Variants in NEDD4 observed in about 807,000 individuals in gnomAD.
NEDD4 encodes NEDD4 E3 ubiquitin protein ligase, also known as E3 ubiquitin-protein ligase NEDD4.
NEDD4 carries 99 observed loss-of-function variants against 144.9 expected under a neutral mutation model. The ratio of observed to expected loss-of-function variants is 0.68; its 90% CI spans 0.58 to 0.81. The LOEUF (loss-of-function observed/expected upper bound fraction) is 0.81. Among genes scored for constraint, NEDD4 ranks in the 30% least tolerant of loss-of-function variants. The pLI, the probability that NEDD4 is intolerant of heterozygous loss-of-function variation, is 0.00. For synonymous variants in NEDD4, 318 were observed against 350.6 expected (o/e 0.91, Z 1.04); for missense variants, 985 against 1,065.9 (o/e 0.92, Z 1.06).
intron 5 of NEDD4, among the ~76,000 whole-genome samples, chr15:55,894,443 G>A (rs1259198980): frequency 6.6e-6 from 1 of 152,052 alleles, no homozygotes; most frequent in African/African-American, 2.4e-5. Context: ...TGGGGTCCTG[G>A]AACCATTCCC....
At chr15:55,849,791 A>C (rs1307122276) in intron 14 of NEDD4, among the ~76,000 whole-genome samples, 1 of 145,362 alleles carries the variant, frequency 6.9e-6, no homozygotes, top group Non-Finnish European at 1.5e-5. Context: ...ATTTTAAGTA[A>C]TTTTTTTTTT....
intron 11 of NEDD4, among the ~76,000 whole-genome samples, chr15:55,858,051 T>C (rs77351400): frequency 1.3e-5 from 2 of 152,332 alleles, no homozygotes; most frequent in Non-Finnish European, 2.9e-5. Flanking sequence ...ATACACATAT[T>C]TATGCTCTGC....
chr15:55,992,162 G>C lies in NEDD4; in HGVS notation c.45+1349C>G, dbSNP rs981800395. On this transcript the variant is annotated intron_variant, in intron 1 of 28. Coordinates refer to ENST00000435532, the MANE Select transcript of NEDD4 (RefSeq NM_006154.4). ...AAGTGCTGTATTATCTTCTGATCTC[G>C]TCTACAGAATAAAGGTGCCATTAGC... 1.1e-4 allele frequency among the ~76,000 whole-genome samples: 16 copies of C among 152,268 alleles called. No individual in the cohort carries two copies. In the East Asian group the frequency reaches 2.7e-3, roughly 26 times the overall value.
intron 5 of NEDD4, among the ~76,000 whole-genome samples, chr15:55,891,362 T>C (rs1366330966): frequency 6.6e-6 from 1 of 152,208 alleles, no homozygotes; most frequent in Non-Finnish European, 1.5e-5. Context: ...ATATGGTTGC[T>C]ATAAATACAG....
chr15:55,899,590 G>T (rs571759321), intron 5 of NEDD4, among the ~76,000 whole-genome samples: 1 of 152,190 alleles, frequency 6.6e-6, no homozygotes, highest in Non-Finnish European at 1.5e-5. Flanking sequence ...AAGCCATTGG[G>T]ATGGGGCTCC....
intron 2 of NEDD4, among the ~76,000 whole-genome samples, chr15:55,953,689 G>A (rs1249225521): frequency 4.0e-5 from 6 of 151,742 alleles, no homozygotes; most frequent in Admixed American, 6.6e-5. Flanking sequence ...TGATCTGCCC[G>A]CCTTGGCCTC....
chr15:55,876,518 A>G (rs2035000257), intron 5 of NEDD4, among the ~76,000 whole-genome samples: 1 of 152,224 alleles, frequency 6.6e-6, no homozygotes, highest in African/African-American at 2.4e-5. Context: ...TTGTTGCAAG[A>G]CTTATATTTT....
intron 24 of NEDD4, among the ~76,000 whole-genome samples, chr15:55,836,961 A>G (rs2033234093): frequency 6.6e-6 from 1 of 152,224 alleles, no homozygotes; most frequent in African/African-American, 2.4e-5. Context: ...GCCCAGCCAG[A>G]TACATATTTA....
intron 1 of NEDD4, among the ~76,000 whole-genome samples, chr15:55,972,825 G>C (rs2037633573): frequency 6.6e-6 from 1 of 151,990 alleles, no homozygotes; most frequent in African/African-American, 2.4e-5. Context: ...AAACCAAAAA[G>C]AGCAGGAATA....
At chr15:55,896,906 C>A (rs114226470) in intron 5 of NEDD4, among the ~76,000 whole-genome samples, 1 of 151,568 alleles carries the variant, frequency 6.6e-6, no homozygotes, top group African/African-American at 2.4e-5. Context: ...AATTATTAAA[C>A]ATGATAATTT....
At chr15:55,953,546 A>T (rs1010345068) in intron 2 of NEDD4, among the ~76,000 whole-genome samples, 7 of 151,094 alleles carry the variant, frequency 4.6e-5, no homozygotes, top group Non-Finnish European at 1.0e-4. Flanking sequence ...GGTTCAAGCT[A>T]TTCTCCTGCC....
chr15:55,985,647 G>C (rs1042658346), intron 1 of NEDD4, among the ~76,000 whole-genome samples: 7 of 152,104 alleles, frequency 4.6e-5, no homozygotes, highest in African/African-American at 1.7e-4. Context: ...TATTAGGTTT[G>C]AATTGGAAAA....
chr15:55,874,101 A>T, intron 5 of NEDD4, 93 bp from the exon 6 acceptor site: 1 of 686,512 alleles, frequency 1.5e-6, no homozygotes. Context: ...CAGAAAATGT[A>T]GAGTTTTTTT....
At chr15:55,912,772 T>C (rs1595835868) in intron 5 of NEDD4, among the ~76,000 whole-genome samples, 1 of 152,292 alleles carries the variant, frequency 6.6e-6, no homozygotes, top group South Asian at 2.1e-4. Context: ...AAATATCAAG[T>C]ATTTATTTTC....
intron 2 of NEDD4, among the ~76,000 whole-genome samples, chr15:55,953,050 T>C (rs1016299553): frequency 2.6e-5 from 4 of 151,130 alleles, no homozygotes; most frequent in Non-Finnish European, 5.9e-5. Flanking sequence ...AGTGCAGTGG[T>C]GCAGTCTTGG....
At chr15:55,893,841 T>G (rs1407124980) in intron 5 of NEDD4, among the ~76,000 whole-genome samples, 3 of 149,902 alleles carry the variant, frequency 2.0e-5, no homozygotes, top group Non-Finnish European at 4.4e-5. Flanking sequence ...CAAAAATCAC[T>G]GTAAATTTAA....
intron 4 of NEDD4, among the ~76,000 whole-genome samples, chr15:55,942,277 A>G (rs1193120422): frequency 2.0e-5 from 3 of 152,102 alleles, no homozygotes; most frequent in Non-Finnish European, 4.4e-5. Context: ...CCTGAAGTCT[A>G]ATTTGGCTAA....
At chr15:55,847,846 T>G (rs1385981152) in intron 17 of NEDD4, among the ~76,000 whole-genome samples, 1 of 150,320 alleles carries the variant, frequency 6.7e-6, no homozygotes, top group Non-Finnish European at 1.5e-5. Context: ...CCAACTAATT[T>G]TTTTTGCATT....
intron 1 of NEDD4, among the ~76,000 whole-genome samples, chr15:55,974,165 C>T (rs2037661013): frequency 6.6e-6 from 1 of 152,014 alleles, no homozygotes. Context: ...ATTATAAAAC[C>T]TAAAGGAAAT....
Sources: allele counts gnomAD v4.1 joint callset (sites outside exome capture counted in the v4.1 genomes callset), GRCh38; gene constraint gnomAD v4.1.1; transcripts MANE v1.5; gene names NCBI Gene and HGNC (gene_info 2026-07-23, HGNC 2026-07-21).